VPS13C: variants seen among roughly 807,000 people sequenced by gnomAD.
VPS13C encodes the protein intermembrane lipid transfer protein VPS13C.
Under a neutral mutation model 456.8 loss-of-function variants are expected in VPS13C, and 358 were observed. That is an observed-to-expected ratio of 0.78 (90% CI 0.72 to 0.86). The LOEUF is 0.86. Ranked by LOEUF, VPS13C falls within the 40% of genes least tolerant of loss-of-function variation. The pLI, the probability that VPS13C is intolerant of heterozygous loss-of-function variation, is 0.00. For synonymous variants in VPS13C, 1,578 were observed against 1,486.7 expected (o/e 1.06, Z -1.41); for missense variants, 4,818 against 4,385.4 (o/e 1.10, Z -2.79).
intron 67 of VPS13C, among the ~76,000 whole-genome samples, chr15:61,884,861 T>G (rs1016815382): frequency 1.3e-5 from 2 of 152,162 alleles, no homozygotes; most frequent in African/African-American, 4.8e-5. Flanking sequence ...TTTATTATTT[T>G]ACTTGAGCAT....
At chr15:62,034,873 A>G (rs1434024402) in intron 4 of VPS13C, 84 bp downstream of exon 4, 1 of 903,472 alleles carries the variant, frequency 1.1e-6, no homozygotes, top group African/African-American at 1.7e-5. Context: ...ATCTTAATAA[A>G]TAAATGTATT....
At chr15:61,875,643 A>G (rs1303713702) in intron 76 of VPS13C, 89 bp downstream of exon 76, 1 of 869,654 alleles carries the variant, frequency 1.1e-6, no homozygotes, top group Admixed American at 2.6e-5. Flanking sequence ...ATTCCAAGAT[A>G]CAATTACAAT....
At chr15:62,000,343 A>G (rs893168538) in intron 16 of VPS13C, among the ~76,000 whole-genome samples, 13 of 152,070 alleles carry the variant, frequency 8.5e-5, no homozygotes, top group Non-Finnish European at 1.5e-4. Flanking sequence ...CCAGCCCGGG[A>G]GACAGAGCAA....
intron 66 of VPS13C, among the ~76,000 whole-genome samples, chr15:61,896,950 C>T (rs1258957633): frequency 1.3e-5 from 2 of 152,212 alleles, no homozygotes; most frequent in African/African-American, 4.8e-5. Context: ...GACCCCTGAC[C>T]CCCGAGCAGC....
Position 62,000,582 on chromosome 15 carries a change from C to A in VPS13C, c.1335G>T (p.Arg445Ser). 1 of 1,607,572 alleles carries A rather than the reference C, an allele frequency of 6.2e-7. No homozygotes were observed. The highest frequency in any genetic ancestry group is 1.1e-5 in the South Asian group (1 of 88,970). The change falls in exon 16 of 85, where the codon AGG (arginine) becomes AGT (serine). Residue 445 changes from arginine to serine, a missense_variant. Coordinates refer to ENST00000644861, the MANE Select transcript of VPS13C (RefSeq NM_020821.3). Reference sequence around the variant, plus strand: ...TGATTACCTCAACTTGTGCTTGTTGCCTTGCTAAAATTATGTTAAAAACAT... The same window carrying A: ...TGATTACCTCAACTTGTGCTTGTTGACTTGCTAAAATTATGTTAAAAACAT... Reference protein sequence around the residue: ...TLDVFNIILARQQAQVEVIRS... With the variant: ...TLDVFNIILASQQAQVEVIRS...
At position 61,867,590 on chromosome 15, in the gene VPS13C, T is replaced by C. The variant is rs1224673923; in HGVS notation, c.10863+1069A>G. On this transcript the variant is annotated intron_variant, in intron 81 of 84. Transcript: ENST00000644861. This position sits in a 1 kb window ranked among gnomAD's most constrained non-coding sequence, Gnocchi z 5.0. The stretch of plus-strand genomic sequence containing the variant: ...TCCTGTTTTTCAATTTTACCTGAAA[T>C]GCACATGAACACCATAAGATAAAAT... 5.8e-6 allele frequency: 6 copies of C among 1,039,172 alleles called. No homozygotes were observed. The highest frequency in any genetic ancestry group is 6.9e-6 in the Non-Finnish European group (6 of 866,228). The allele number at this position is 1,039,172 out of a possible 1,614,324, so 64.4% of individuals were successfully genotyped here.
intron 57 of VPS13C, among the ~76,000 whole-genome samples, chr15:61,919,658 T>C (rs2043585780): frequency 6.6e-6 from 1 of 151,866 alleles, no homozygotes; most frequent in Non-Finnish European, 1.5e-5. Flanking sequence ...CTTGGGGTTT[T>C]GAATATAAAA....
chr15:61,869,464 A>G, intron 80 of VPS13C, 36 bp downstream of exon 80: 1 of 1,604,440 alleles, frequency 6.2e-7, no homozygotes. Flanking sequence ...ATTAGCACAC[A>G]GACACATACC....
chr15:61,928,494 T>A (rs1306306028), intron 51 of VPS13C, among the ~76,000 whole-genome samples: 4 of 152,184 alleles, frequency 2.6e-5, no homozygotes, highest in Non-Finnish European at 5.9e-5. Flanking sequence ...AGGTAAATTT[T>A]AAAAATAGCA....
chr15:61,910,407 AATT>A, intron 63 of VPS13C, 102 bp from the exon 64 acceptor site: 1 of 954,576 alleles, frequency 1.0e-6, no homozygotes, highest in South Asian at 4.2e-5. Context: ...ATCTTGATTA[AATT>A]ATTATGAAGT....
chr15:61,860,167 G>C (rs1214974227), intron 82 of VPS13C, among the ~76,000 whole-genome samples: 1 of 152,076 alleles, frequency 6.6e-6, no homozygotes, highest in Non-Finnish European at 1.5e-5. Flanking sequence ...AATGAAAAAT[G>C]AGCAAAGAAT....
At chr15:62,018,036 C>A (rs1050992443) in intron 9 of VPS13C, among the ~76,000 whole-genome samples, 5 of 152,016 alleles carry the variant, frequency 3.3e-5, no homozygotes, top group African/African-American at 1.2e-4. Flanking sequence ...GTATTTTATT[C>A]TCTTTGAATC....
intron 67 of VPS13C, among the ~76,000 whole-genome samples, chr15:61,887,017 C>T (rs1896319066): frequency 6.6e-6 from 1 of 152,158 alleles, no homozygotes; most frequent in Admixed American, 6.5e-5. Flanking sequence ...TATTTCCACT[C>T]TCAACCATTC....
At chr15:62,052,672 C>CAAAAAAAAAAAAAAAAA in intron 1 of VPS13C, among the ~76,000 whole-genome samples, 1 of 70,542 alleles carries the variant, frequency 1.4e-5, no homozygotes, top group Non-Finnish European at 2.7e-5. Context: ...GACTCCGTCT[C>CAAAAAAAAAAAAAAAAA]AAAAAAAAAA....
At chr15:62,023,905 A>C in intron 6 of VPS13C, 60 bp from the exon 7 acceptor site, 1 of 1,470,414 alleles carries the variant, frequency 6.8e-7, no homozygotes, top group East Asian at 2.3e-5. Context: ...AGACTACAGG[A>C]CAGAAAAGAA....
chr15:61,966,254 C>T, intron 29 of VPS13C, 112 bp from the exon 30 acceptor site: 2 of 573,216 alleles, frequency 3.5e-6, no homozygotes, highest in African/African-American at 2.0e-5. Flanking sequence ...TTTATATACA[C>T]TGTATATTTA....
intron 38 of VPS13C, 76 bp downstream of exon 38, chr15:61,954,345 G>GT (rs1295417079): frequency 1.4e-6 from 2 of 1,479,894 alleles, no homozygotes; most frequent in African/African-American, 2.9e-5. Context: ...TCAATTATCT[G>GT]TAAGTTTAGT....
intron 55 of VPS13C, 71 bp from the exon 56 acceptor site, chr15:61,920,718 C>G (rs1473903942): frequency 3.5e-6 from 5 of 1,417,978 alleles, no homozygotes; most frequent in Non-Finnish European, 4.7e-6. Flanking sequence ...TGCTGGAGTT[C>G]AGTTCTCCTA....
At chr15:61,895,267 T>C (rs2042772918) in intron 66 of VPS13C, among the ~76,000 whole-genome samples, 2 of 151,628 alleles carry the variant, frequency 1.3e-5, no homozygotes, top group African/African-American at 2.4e-5. Flanking sequence ...AGTAGAAAGA[T>C]TTCAAATAAA....
Sources: allele counts gnomAD v4.1 joint callset (sites outside exome capture counted in the v4.1 genomes callset), GRCh38; gene constraint gnomAD v4.1.1; non-coding constraint Gnocchi (gnomAD v3.1); transcripts MANE v1.5; gene names NCBI Gene and HGNC (gene_info 2026-07-23, HGNC 2026-07-21).